The following TLE1 variants were observed in gnomAD, a reference collection of about 807,000 sequenced individuals.
The protein encoded by TLE1 is TLE family member 1, transcriptional corepressor.
A neutral mutation model predicts 89.8 loss-of-function variants in TLE1; 21 were observed. That is an observed-to-expected ratio of 0.23 (90% confidence interval 0.17 to 0.34). The LOEUF (loss-of-function observed/expected upper bound fraction) is 0.34, where lower values mean the gene tolerates loss of function less well. Among genes scored for constraint, TLE1 ranks in the 10% least tolerant of loss-of-function variants. TLE1 has a pLI of 1.00. For synonymous variants in TLE1, 447 were observed against 407.6 expected (o/e 1.10, Z -1.16); for missense variants, 795 against 1,031.2 (o/e 0.77, Z 3.14).
intron 6 of TLE1, among the ~76,000 whole-genome samples, chr9:81,650,048 G>A (rs576613437): frequency 2.0e-5 from 3 of 152,224 alleles, no homozygotes; most frequent in Admixed American, 6.5e-5. Context: ...CCTAAGTCTC[G>A]CTTGCATTGC....
At chr9:81,598,170 T>C (rs1391401194) in intron 14 of TLE1, among the ~76,000 whole-genome samples, 2 of 152,216 alleles carry the variant, frequency 1.3e-5, no homozygotes, top group Non-Finnish European at 2.9e-5. Context: ...CTTCAAGCTC[T>C]TTAGGGCTCA....
chr9:81,636,148 A>C (rs1384960109), intron 6 of TLE1, among the ~76,000 whole-genome samples: 1 of 152,186 alleles, frequency 6.6e-6, no homozygotes, highest in African/African-American at 2.4e-5. Flanking sequence ...TGGAAAGTAT[A>C]AACTACTCAT....
chr9:81,630,579 C>T (rs1826455974), intron 8 of TLE1, among the ~76,000 whole-genome samples: 2 of 151,948 alleles, frequency 1.3e-5, no homozygotes, highest in South Asian at 2.1e-4. Context: ...TCTTCAGGGC[C>T]CTCAATAATT....
chr9:81,589,052 C>T (rs759281402), intron 16 of TLE1, among the ~76,000 whole-genome samples: 5 of 152,188 alleles, frequency 3.3e-5, no homozygotes, highest in Non-Finnish European at 7.3e-5. Flanking sequence ...AGGTTGAGTC[C>T]TCTCTCCTGC....
chr9:81,670,417 C>A (rs1473040730), intron 4 of TLE1, among the ~76,000 whole-genome samples: 1 of 152,118 alleles, frequency 6.6e-6, no homozygotes, highest in South Asian at 2.1e-4. Context: ...CCTCCGCCTC[C>A]CGGGCTCAAG....
chr9:81,610,388 C>T (rs1220376129), intron 13 of TLE1, 92 bp from the exon 14 acceptor site: 16 of 924,862 alleles, frequency 1.7e-5, no homozygotes, highest in South Asian at 8.9e-5. Flanking sequence ...CACAGATCCC[C>T]AAAGCAACAT....
At chr9:81,660,978 C>CA (rs140689682) in intron 4 of TLE1, among the ~76,000 whole-genome samples, 1,919 of 121,794 alleles carry the variant, frequency 0.016, 62 homozygotes, top group South Asian at 0.028. Flanking sequence ...CACACACACA[C>CA]ATTTAGCCTG....
chr9:81,652,674 T>C (rs1192877264), intron 5 of TLE1, among the ~76,000 whole-genome samples: 50 of 152,196 alleles, frequency 3.3e-4, no homozygotes, highest in Admixed American at 3.1e-3. Flanking sequence ...TACAGCCAGA[T>C]GCAATGGCTC....
At chr9:81,667,146 C>G (rs1010595820) in intron 4 of TLE1, among the ~76,000 whole-genome samples, 2 of 152,000 alleles carry the variant, frequency 1.3e-5, no homozygotes, top group African/African-American at 4.8e-5. Flanking sequence ...GGCACGGTGG[C>G]TCACACCTAC....
chr9:81,618,562 A>G (rs1824845198), intron 9 of TLE1, among the ~76,000 whole-genome samples: 1 of 152,218 alleles, frequency 6.6e-6, no homozygotes, highest in African/African-American at 2.4e-5. Context: ...GTAATCCTAA[A>G]TAACAGTCTA....
intron 14 of TLE1, among the ~76,000 whole-genome samples, chr9:81,597,231 G>A (rs777267080): frequency 1.1e-4 from 17 of 152,100 alleles, no homozygotes; most frequent in Non-Finnish European, 8.8e-5. Context: ...CTTGACACCT[G>A]CAGTGAGTCT....
At chr9:81,683,396 TGA>T (rs1296905193) in intron 4 of TLE1, among the ~76,000 whole-genome samples, 1 of 152,080 alleles carries the variant, frequency 6.6e-6, no homozygotes, top group Non-Finnish European at 1.5e-5. Context: ...TCAAATCTAA[TGA>T]GAGCTCCAAA....
intron 18 of TLE1, among the ~76,000 whole-genome samples, chr9:81,585,005 T>C (rs962435211): frequency 5.3e-5 from 8 of 152,180 alleles, no homozygotes; most frequent in Non-Finnish European, 1.2e-4. Flanking sequence ...CATCCATCTA[T>C]GCATACTGTG....
In TLE1 at chr9:81,615,994, T is replaced by C. The variant is rs1587980040; in HGVS notation, c.906A>G (p.Lys302=). ...SSASSTSLKS[K]EMSLHEKAST... is the part of the protein sequence containing the mutation. ...TTTCTTTACCTACCAAGCTCATTTC[T>C]TTGGATTTCAAAGAAGTGGAACTTG... Residue 302 remains lysine (K), a synonymous_variant, in exon 11 of 20, where the codon AAA becomes AAG. Coordinates refer to ENST00000376499, the MANE Select transcript of TLE1 (RefSeq NM_005077.5). 6.2e-7 allele frequency: 1 copy of C among 1,613,786 alleles called. No individual in the cohort carries two copies. Among genetic ancestry groups the C allele is most frequent in the Non-Finnish European group, 8.5e-7 (1 of 1,180,014 alleles).
At chr9:81,623,415 G>A (rs1048478301) in intron 8 of TLE1, among the ~76,000 whole-genome samples, 6 of 151,990 alleles carry the variant, frequency 3.9e-5, no homozygotes, top group South Asian at 2.1e-4. Flanking sequence ...CTAACAAATC[G>A]AGGCAACATT....
At chr9:81,652,479 T>C (rs1440362878) in intron 5 of TLE1, among the ~76,000 whole-genome samples, 191 bp from the exon 6 acceptor site, 1 of 152,162 alleles carries the variant, frequency 6.6e-6, no homozygotes, top group Non-Finnish European at 1.5e-5. Flanking sequence ...GCGCTGCCCT[T>C]TATTTCTAAA....
At chr9:81,621,568 T>A (rs933785950) in intron 8 of TLE1, among the ~76,000 whole-genome samples, 1 of 152,228 alleles carries the variant, frequency 6.6e-6, no homozygotes, top group African/African-American at 2.4e-5. Flanking sequence ...TTATGTTACC[T>A]TTCTCTGCCA....
chr9:81,662,361 T>TTTTGTG (rs1290826547), intron 4 of TLE1, among the ~76,000 whole-genome samples: 10 of 138,470 alleles, frequency 7.2e-5, no homozygotes, highest in East Asian at 4.3e-4. Context: ...TGTGCCTGTT[T>TTTTGTG]TGTGTGTGTG....
chr9:81,655,866 A>G (rs1423601069), intron 4 of TLE1, among the ~76,000 whole-genome samples: 3 of 144,254 alleles, frequency 2.1e-5, no homozygotes, highest in South Asian at 2.1e-4. Context: ...AAAAAAAAAA[A>G]AAAGAAAAGA....
Sources: gnomAD v4.1 joint callset for allele counts (sites outside exome capture counted in the v4.1 genomes callset) on GRCh38, gnomAD v4.1.1 for gene constraint, MANE v1.5 for transcripts, NCBI Gene and HGNC (gene_info 2026-07-23, HGNC 2026-07-21) for gene names.